TBC1D5: variants seen among roughly 807,000 people sequenced by gnomAD.
The protein encoded by TBC1D5 is TBC1 domain family, member 5.
In TBC1D5, 75 loss-of-function variants were observed where a neutral mutation model predicts 100.3. The observed-to-expected ratio is 0.75, with a 90% CI of 0.62 to 0.91. The LOEUF (loss-of-function observed/expected upper bound fraction) is 0.91. Ranked by LOEUF, TBC1D5 falls within the 40% of genes least tolerant of loss-of-function variation. The pLI, the probability that TBC1D5 is intolerant of heterozygous loss-of-function variation, is 0.00. For missense variants in TBC1D5, 910 were observed against 942.4 expected, an observed-to-expected ratio of 0.97 and a Z score of 0.45; for synonymous variants, 323 against 325.6, an observed-to-expected ratio of 0.99 and a Z score of 0.09.
chr3:17,492,197 GTCTA>G (rs1169338099), intron 3 of TBC1D5, among the ~76,000 whole-genome samples: 3 of 151,986 alleles, frequency 2.0e-5, no homozygotes, highest in Non-Finnish European at 4.4e-5. Flanking sequence ...CTAGCTAGCA[GTCTA>G]TCTATTTTAT....
At chr3:17,581,370 C>A (rs1265347338) in intron 2 of TBC1D5, among the ~76,000 whole-genome samples, 1 of 152,164 alleles carries the variant, frequency 6.6e-6, no homozygotes, top group Admixed American at 6.5e-5. Context: ...GTTTTTCCTT[C>A]ATCTCAGACC....
At chr3:17,390,101 T>A (rs926483449) in intron 8 of TBC1D5, among the ~76,000 whole-genome samples, 24 of 152,158 alleles carry the variant, frequency 1.6e-4, no homozygotes, top group Admixed American at 1.1e-3. Context: ...TGGCTACTAA[T>A]TCTGTAACAG....
intron 13 of TBC1D5, among the ~76,000 whole-genome samples, chr3:17,352,237 C>T (rs1047559239): frequency 1.1e-4 from 17 of 151,942 alleles, no homozygotes; most frequent in African/African-American, 4.1e-4. Flanking sequence ...GTTATCGGGG[C>T]ATTATTCTGA....
At chr3:17,657,025 G>A (rs1329024489) in intron 1 of TBC1D5, among the ~76,000 whole-genome samples, 2 of 152,068 alleles carry the variant, frequency 1.3e-5, no homozygotes, top group East Asian at 3.9e-4. Flanking sequence ...AAAAACTGGA[G>A]ATTGATAGAA....
intron 1 of TBC1D5, among the ~76,000 whole-genome samples, chr3:17,655,459 T>TAATTA (rs1553901618): frequency 0.015 from 2,208 of 148,642 alleles, 50 homozygotes; most frequent in African/African-American, 0.048. Context: ...AGTATAATAA[T>TAATTA]AATTAAATTA....
Position 17,450,306 on chromosome 3 carries a change from A to G in TBC1D5, c.98-21787T>C, listed in dbSNP as rs566268770. Among the ~76,000 whole-genome samples the G allele has an allele frequency of 5.9e-5, 9 of 152,358 alleles. No homozygotes were observed. The South Asian group carries it at 1.9e-3, about 32-fold the overall frequency. ...ACAGCGCAAAAATGCTGAAAATTCC[A>G]AAGACCAGAATACCTCTTCTCCTCC... On this transcript the variant is annotated intron_variant, in intron 3 of 21. Transcript: ENST00000253692.
chr3:17,342,381 C>G (rs2089119742), intron 13 of TBC1D5, among the ~76,000 whole-genome samples: 1 of 152,174 alleles, frequency 6.6e-6, no homozygotes, highest in Non-Finnish European at 1.5e-5. Context: ...CATATGTCCA[C>G]TCCATTGCTA....
At chr3:17,356,968 G>A (rs539817603) in intron 13 of TBC1D5, among the ~76,000 whole-genome samples, 11 of 147,492 alleles carry the variant, frequency 7.5e-5, no homozygotes, top group Non-Finnish European at 1.3e-4. Context: ...AGTGGGGGTT[G>A]TGGGGAGATA....
At chr3:17,313,870 G>C (rs1479964222) in intron 13 of TBC1D5, among the ~76,000 whole-genome samples, 2 of 152,180 alleles carry the variant, frequency 1.3e-5, no homozygotes, top group Admixed American at 6.5e-5. Context: ...TACCTATTAA[G>C]AGAGTCAGAA....
At chr3:17,413,586 G>C (rs969596415) in intron 4 of TBC1D5, among the ~76,000 whole-genome samples, 1 of 152,108 alleles carries the variant, frequency 6.6e-6, no homozygotes, top group African/African-American at 2.4e-5. Context: ...TGTGAAACTA[G>C]TACCTTCTAA....
intron 2 of TBC1D5, among the ~76,000 whole-genome samples, chr3:17,563,443 T>C (rs1010870795): frequency 6.6e-6 from 1 of 151,956 alleles, no homozygotes; most frequent in Non-Finnish European, 1.5e-5. Context: ...ACACAATGAA[T>C]CAGGAAAATC....
chr3:17,196,176 G>T (rs1399589891), intron 18 of TBC1D5, among the ~76,000 whole-genome samples: 1 of 152,172 alleles, frequency 6.6e-6, no homozygotes, highest in South Asian at 2.1e-4. Context: ...ATTCAAAACG[G>T]GAAACATTTG....
chr3:17,478,973 C>A (rs2150279037), intron 3 of TBC1D5, among the ~76,000 whole-genome samples: 1 of 152,246 alleles, frequency 6.6e-6, no homozygotes, highest in African/African-American at 2.4e-5. Flanking sequence ...TATTGTGTAA[C>A]AAGTTTAGAA....
intron 2 of TBC1D5, among the ~76,000 whole-genome samples, chr3:17,511,310 A>G (rs145993382): frequency 9.5e-4 from 145 of 152,180 alleles, no homozygotes; most frequent in Middle Eastern, 3.4e-3. Context: ...AAACATTTGA[A>G]AATGTCTATT....
At chr3:17,270,343 T>C (rs2079269527) in intron 15 of TBC1D5, among the ~76,000 whole-genome samples, 2 of 152,170 alleles carry the variant, frequency 1.3e-5, no homozygotes, top group Admixed American at 1.3e-4. Context: ...ATGGATTTTT[T>C]TCCCTTGATT....
chr3:17,600,174 C>T (rs1576943459), intron 2 of TBC1D5, among the ~76,000 whole-genome samples: 1 of 152,168 alleles, frequency 6.6e-6, no homozygotes, highest in Non-Finnish European at 1.5e-5. Flanking sequence ...AATACGCTCT[C>T]TTAGAAGTTG....
intron 3 of TBC1D5, among the ~76,000 whole-genome samples, chr3:17,436,499 T>C (rs1307217256): frequency 2.8e-4 from 42 of 152,198 alleles, no homozygotes; most frequent in Admixed American, 2.7e-3. Context: ...TTTCTTCTTA[T>C]CAATTAAAGG....
chr3:17,608,148 T>C (rs1015458223), intron 2 of TBC1D5, among the ~76,000 whole-genome samples: 1 of 151,984 alleles, frequency 6.6e-6, no homozygotes, highest in Non-Finnish European at 1.5e-5. Context: ...TCCCAGATAC[T>C]AGGGGGGCTG....
At chr3:17,358,953 A>G (rs2091466666) in intron 13 of TBC1D5, among the ~76,000 whole-genome samples, 1 of 152,070 alleles carries the variant, frequency 6.6e-6, no homozygotes, top group Admixed American at 6.5e-5. Flanking sequence ...AATTTTAATA[A>G]AAGAAATTTT....
Sources: allele counts gnomAD v4.1 joint callset (sites outside exome capture counted in the v4.1 genomes callset), GRCh38; gene constraint gnomAD v4.1.1; transcripts MANE v1.5; gene names NCBI Gene and HGNC (gene_info 2026-07-23, HGNC 2026-07-21).